Variants in SNX30 observed in about 807,000 individuals in gnomAD.
The protein encoded by SNX30 is sorting nexin-30.
SNX30 carries 24 observed loss-of-function variants against 46.4 expected under a neutral mutation model. That is an observed-to-expected ratio of 0.52 (90% confidence interval 0.37 to 0.73). SNX30 has a LOEUF of 0.73. Ranked by LOEUF, SNX30 falls within the 30% of genes least tolerant of loss-of-function variation. The pLI, the probability that SNX30 is intolerant of heterozygous loss-of-function variation, is 0.00. For missense variants in SNX30, 533 were observed against 555.7 expected, an observed-to-expected ratio of 0.96 and a Z score of 0.41; for synonymous variants, 189 against 211.5, an observed-to-expected ratio of 0.89 and a Z score of 0.92.
intron 1 of SNX30, 134 bp from the exon 2 acceptor site, chr9:112,804,642 G>T (rs1292945419): frequency 4.5e-6 from 3 of 673,586 alleles, no homozygotes; most frequent in African/African-American, 3.6e-5. Flanking sequence ...ACACTGAGTA[G>T]GGAGAGGCTC....
intron 5 of SNX30, among the ~76,000 whole-genome samples, chr9:112,837,948 T>A (rs1840789968): frequency 7.4e-6 from 1 of 135,926 alleles, no homozygotes; most frequent in Non-Finnish European, 1.5e-5. Flanking sequence ...TAGAGTGCAG[T>A]GGAGTGATCT....
rs117871641 is a variant in SNX30 at position 112,805,307 on chromosome 9, C to T, written c.348+340C>T. On this transcript the variant is annotated intron_variant, in intron 2 of 8. Coordinates refer to ENST00000374232, the MANE Select transcript of SNX30 (RefSeq NM_001012994.2). ...TGAATCATTGTATCAACCTAAATCACTGTGATGAGACCATGAATAAAATTT... is the reference window on the plus strand; with the variant it reads ...TGAATCATTGTATCAACCTAAATCATTGTGATGAGACCATGAATAAAATTT... 2.6e-3 allele frequency among the ~76,000 whole-genome samples: 394 copies of T among 152,018 alleles called. 2 individuals are homozygous for T. Among genetic ancestry groups the T allele is most frequent in the South Asian group, 4.2e-3 (20 of 4,808 alleles).
intron 6 of SNX30, among the ~76,000 whole-genome samples, chr9:112,841,625 G>A (rs1228134447): frequency 6.6e-6 from 1 of 152,200 alleles, no homozygotes; most frequent in African/African-American, 2.4e-5. Context: ...CTTTTCACCA[G>A]GAAAATGTCT....
intron 1 of SNX30, among the ~76,000 whole-genome samples, chr9:112,751,995 C>T (rs1415128292): frequency 1.3e-5 from 2 of 152,154 alleles, no homozygotes; most frequent in Non-Finnish European, 2.9e-5. Flanking sequence ...ATCCCCGCTC[C>T]TGCCGTCACT....
chr9:112,751,575 C>T (rs1588102280), intron 1 of SNX30, among the ~76,000 whole-genome samples: 1 of 152,206 alleles, frequency 6.6e-6, no homozygotes, highest in Admixed American at 6.5e-5. Flanking sequence ...CCTGGCTTTC[C>T]GTGCTGGGAC....
chr9:112,857,246 T>G (rs1588140534), intron 7 of SNX30, among the ~76,000 whole-genome samples: 1 of 152,196 alleles, frequency 6.6e-6, no homozygotes, highest in East Asian at 1.9e-4. Context: ...CTGACCATTC[T>G]CTGAAGTTTG....
chr9:112,811,402 G>A (rs1269796940), intron 2 of SNX30, among the ~76,000 whole-genome samples: 1 of 152,160 alleles, frequency 6.6e-6, no homozygotes, highest in Non-Finnish European at 1.5e-5. Context: ...TCTTCGGAAC[G>A]GCCTTGGGCC....
chr9:112,751,137 G>A lies in SNX30; in HGVS notation c.136G>A (p.Ala46Thr), dbSNP rs1172129393. Residue 46 changes from alanine (A) to threonine (T), a missense_variant, in exon 1 of 9, where the codon GCC becomes ACC. By Grantham distance (58) the Ala-to-Thr change is moderately conservative (BLOSUM62 0). This residue lies in a region of SNX30 where 191 missense variants were observed against 160.3 expected (regional missense o/e 1.19). Coordinates refer to ENST00000374232, the MANE Select transcript of SNX30 (RefSeq NM_001012994.2). ...DSTPSPDLLM[A>T]RSFGDKDLIL... is the part of the protein sequence containing the mutation. ...CACGCCCAGCCCGGACCTGCTGATG[G>A]CCCGCAGCTTCGGTGACAAGGTGGG... The A allele has an allele frequency of 2.7e-6, 4 of 1,495,252 alleles. No individual in the cohort carries two copies. The highest frequency in any genetic ancestry group is 2.2e-4 in the Middle Eastern group (1 of 4,630). 92.6% of individuals were successfully genotyped at this position (1,495,252 alleles called of 1,614,324 possible).
intron 4 of SNX30, among the ~76,000 whole-genome samples, chr9:112,835,168 G>A (rs750473838): frequency 1.6e-4 from 24 of 152,120 alleles, no homozygotes; most frequent in Non-Finnish European, 1.5e-4. Context: ...TTAACATTCT[G>A]TTTGTATTGA....
intron 6 of SNX30, among the ~76,000 whole-genome samples, chr9:112,848,766 C>T (rs936095005): frequency 6.6e-6 from 1 of 152,216 alleles, no homozygotes; most frequent in Non-Finnish European, 1.5e-5. Context: ...CCCAGGCCAA[C>T]TGGAGAGAGG....
intron 4 of SNX30, among the ~76,000 whole-genome samples, chr9:112,831,661 G>A (rs1274163762): frequency 6.6e-6 from 1 of 152,216 alleles, no homozygotes; most frequent in African/African-American, 2.4e-5. Context: ...CTGCCTGATT[G>A]TTACTTAACC....
At chr9:112,792,296 A>C (rs1464216607) in intron 1 of SNX30, among the ~76,000 whole-genome samples, 1 of 152,200 alleles carries the variant, frequency 6.6e-6, no homozygotes, top group Non-Finnish European at 1.5e-5. Context: ...TTTTCCTAGA[A>C]AGCCAGCTAG....
intron 7 of SNX30, among the ~76,000 whole-genome samples, chr9:112,852,123 C>T (rs10759593): frequency 0.8 from 121,467 of 151,970 alleles, 48,736 homozygotes; most frequent in South Asian, 0.87. Context: ...CATAGGCAGG[C>T]CTCCTCTTAC....
chr9:112,874,517 T>TTAAAATTTTAAAA lies in SNX30; in HGVS notation c.*5680_*5692dup, dbSNP rs1841493006. 1 of 152,248 alleles carries TTAAAATTTTAAAA rather than the reference T, an allele frequency of 6.6e-6. No individual in the cohort carries two copies. The highest frequency in any genetic ancestry group is 1.5e-5 in the Non-Finnish European group (1 of 68,046). The allele number at this position is 152,248 out of a possible 1,614,324, so 9.4% of individuals were successfully genotyped here. On this transcript the variant is annotated 3_prime_UTR_variant, in exon 9 of 9. Coordinates refer to ENST00000374232, the MANE Select transcript of SNX30 (RefSeq NM_001012994.2). ...TATTTTTAAAAGTCATTCTTTACGT[T>TTAAAATTTTAAAA]TAAAATTTTAAAATAAAAACCTTCT...
At chr9:112,841,632 G>A (rs142803368) in intron 6 of SNX30, among the ~76,000 whole-genome samples, 1 of 152,324 alleles carries the variant, frequency 6.6e-6, no homozygotes, top group African/African-American at 2.4e-5. Flanking sequence ...CCAGGAAAAT[G>A]TCTCTGCAGA....
intron 1 of SNX30, among the ~76,000 whole-genome samples, chr9:112,796,408 C>G (rs1242639786): frequency 6.6e-6 from 1 of 152,162 alleles, no homozygotes; most frequent in Non-Finnish European, 1.5e-5. Context: ...CTACAAATCC[C>G]CAGACACTGG....
intron 1 of SNX30, 54 bp downstream of exon 1, chr9:112,751,211 GAT>G: frequency 7.4e-7 from 1 of 1,353,962 alleles, no homozygotes; most frequent in Middle Eastern, 2.2e-4. Context: ...CCGTGGGGGG[GAT>G]GATGGATCCG....
At chr9:112,865,661 A>ATATATATATATATATATATATG in intron 8 of SNX30, among the ~76,000 whole-genome samples, 2 of 105,686 alleles carry the variant, frequency 1.9e-5, no homozygotes, top group South Asian at 3.4e-4. Flanking sequence ...ATATATATAT[A>ATATATATATATATATATATATG]TGTATGTATG....
At chr9:112,833,714 G>A (rs565211877) in intron 4 of SNX30, among the ~76,000 whole-genome samples, 2 of 152,270 alleles carry the variant, frequency 1.3e-5, no homozygotes, top group East Asian at 1.9e-4. Context: ...GCAGTCCAGC[G>A]AGCCCATTTG....
Sources: allele counts gnomAD v4.1 joint callset (sites outside exome capture counted in the v4.1 genomes callset), GRCh38; gene constraint gnomAD v4.1.1; regional missense constraint gnomAD v4.1.1; transcripts MANE v1.5; gene names NCBI Gene and HGNC (gene_info 2026-07-23, HGNC 2026-07-21).